Variants in ZNF385D observed in about 807,000 individuals in gnomAD.
ZNF385D encodes the protein zinc finger protein 659.
Under a neutral mutation model 35.8 loss-of-function variants are expected in ZNF385D, and 15 were observed. The ratio of observed to expected loss-of-function variants is 0.42; its 90% CI spans 0.28 to 0.64. The LOEUF is 0.64. Among genes scored for constraint, ZNF385D ranks in the 30% least tolerant of loss-of-function variants. The pLI, the probability that ZNF385D is intolerant of heterozygous loss-of-function variation, is 0.23. For synonymous variants in ZNF385D, 212 were observed against 186.8 expected (o/e 1.13, Z -1.10); for missense variants, 474 against 494.6 (o/e 0.96, Z 0.39).
At chr3:22,284,255 C>A (rs1701913600) in intron 2 of ZNF385D, among the ~76,000 whole-genome samples, 1 of 152,120 alleles carries the variant, frequency 6.6e-6, no homozygotes, top group Non-Finnish European at 1.5e-5. Context: ...GTGGCGCGAT[C>A]TTGGCTCACT....
intron 1 of ZNF385D, among the ~76,000 whole-genome samples, chr3:21,680,476 G>C (rs907724800): frequency 3.9e-5 from 6 of 152,038 alleles, no homozygotes; most frequent in Non-Finnish European, 8.8e-5. Context: ...GTAATAAAAA[G>C]ACATTGGTAG....
intron 3 of ZNF385D, among the ~76,000 whole-genome samples, chr3:21,809,037 T>C (rs1265392019): frequency 6.6e-6 from 1 of 152,100 alleles, no homozygotes; most frequent in African/African-American, 2.4e-5. Flanking sequence ...TCTTATAACA[T>C]AAAATATATG....
At chr3:21,763,591 G>A (rs1167142685) in intron 3 of ZNF385D, among the ~76,000 whole-genome samples, 2 of 152,136 alleles carry the variant, frequency 1.3e-5, no homozygotes, top group African/African-American at 4.8e-5. Flanking sequence ...AAATGTCCAG[G>A]GATGATTAAG....
intron 3 of ZNF385D, among the ~76,000 whole-genome samples, chr3:21,836,405 AC>A (rs548256980): frequency 2.0e-5 from 3 of 152,082 alleles, no homozygotes; most frequent in Non-Finnish European, 4.4e-5. Flanking sequence ...TATTCAACAA[AC>A]AAGATATGAA....
intron 3 of ZNF385D, among the ~76,000 whole-genome samples, chr3:21,972,087 A>G (rs913093308): frequency 6.6e-6 from 1 of 151,952 alleles, no homozygotes; most frequent in African/African-American, 2.4e-5. Context: ...TGAACTTGAT[A>G]TGCACTAAGA....
chr3:22,105,764 C>A (rs1019855913), intron 3 of ZNF385D, among the ~76,000 whole-genome samples: 3 of 152,246 alleles, frequency 2.0e-5, no homozygotes, highest in Middle Eastern at 6.8e-3. Context: ...GGAGGGCCAT[C>A]TGCTTTACTC....
intron 3 of ZNF385D, among the ~76,000 whole-genome samples, chr3:22,079,641 C>G (rs1700646420): frequency 1.3e-5 from 2 of 151,916 alleles, no homozygotes; most frequent in African/African-American, 4.8e-5. Flanking sequence ...AGATACTGCA[C>G]TAAAGAAGAT....
intron 3 of ZNF385D, among the ~76,000 whole-genome samples, chr3:21,550,594 C>T (rs941282945): frequency 2.6e-5 from 4 of 152,196 alleles, no homozygotes; most frequent in East Asian, 1.9e-4. Flanking sequence ...GTGATTCTCC[C>T]GCCTCAGCCT....
At chr3:21,655,221 C>T (rs1314357953) in intron 2 of ZNF385D, among the ~76,000 whole-genome samples, 2 of 152,000 alleles carry the variant, frequency 1.3e-5, no homozygotes, top group South Asian at 2.1e-4. Context: ...ACCTTCAACA[C>T]CTTTACTCAC....
chr3:21,861,222 A>G (rs1444665549), intron 3 of ZNF385D, among the ~76,000 whole-genome samples: 4 of 151,968 alleles, frequency 2.6e-5, no homozygotes, highest in African/African-American at 4.8e-5. Flanking sequence ...AACAAGTTCT[A>G]TTTTTTTCGT....
chr3:21,961,480 A>T (rs1014535444), intron 3 of ZNF385D: 6 of 152,148 alleles, frequency 3.9e-5, no homozygotes, highest in Non-Finnish European at 8.8e-5. Flanking sequence ...GTAACTATTG[A>T]ATTGTTCTAT....
intron 1 of ZNF385D, among the ~76,000 whole-genome samples, chr3:21,750,197 C>T (rs1167435101): frequency 6.6e-6 from 1 of 152,222 alleles, no homozygotes; most frequent in African/African-American, 2.4e-5. Flanking sequence ...ACTTCCAGTG[C>T]TCAACTGATA....
intron 3 of ZNF385D, chr3:21,511,897 C>T (rs1028961215): frequency 2.4e-6 from 1 of 423,268 alleles, no homozygotes; most frequent in African/African-American, 2.1e-5. Context: ...GACTGTAATC[C>T]AAGCACTTTG....
intron 3 of ZNF385D, among the ~76,000 whole-genome samples, chr3:21,825,327 ACTAT>A (rs1559662296): frequency 1.3e-5 from 2 of 152,178 alleles, no homozygotes; most frequent in Non-Finnish European, 1.5e-5. Flanking sequence ...TATTACCAGA[ACTAT>A]CTGTCACTTG....
intron 4 of ZNF385D, among the ~76,000 whole-genome samples, chr3:21,487,393 C>A (rs924877921): frequency 6.6e-6 from 1 of 151,924 alleles, no homozygotes; most frequent in Non-Finnish European, 1.5e-5. Context: ...TAGAGGGGCT[C>A]AAACATGTAG....
chr3:22,245,478 CAAAAAA>C (rs10576851), intron 2 of ZNF385D, among the ~76,000 whole-genome samples: 1 of 124,370 alleles, frequency 8.0e-6, no homozygotes, highest in Non-Finnish European at 1.8e-5. Context: ...CAGGATAAGC[CAAAAAA>C]AAAAAAAAAA....
intron 3 of ZNF385D, among the ~76,000 whole-genome samples, chr3:22,079,269 G>A (rs1172239838): frequency 9.3e-6 from 1 of 107,474 alleles, no homozygotes; most frequent in Non-Finnish European, 2.0e-5. Flanking sequence ...CAAACAAATT[G>A]ATCAAATGAT....
chr3:22,270,837 T>C lies in ZNF385D; in HGVS notation c.106+101613A>G, dbSNP rs142361624. On this transcript the variant is annotated intron_variant, in intron 2 of 5. Transcript: ENST00000494108. ...ATTGAACTTACTTATGTAATTTTCC[T>C]CTGTTTTCTTTCTCTAATCTGAAAT... is the stretch of plus-strand genomic sequence containing the variant. 2.8e-4 allele frequency among the ~76,000 whole-genome samples: 42 copies of C among 152,092 alleles called. 1 individual carries two copies. Among genetic ancestry groups the C allele is most frequent in the South Asian group, 2.3e-3 (11 of 4,820 alleles).
intron 2 of ZNF385D, among the ~76,000 whole-genome samples, chr3:22,315,500 G>A (rs1000653649): frequency 6.6e-6 from 1 of 152,184 alleles, no homozygotes; most frequent in Admixed American, 6.5e-5. Context: ...AACTATTTGG[G>A]AAGAGATAAA....
Sources: gnomAD v4.1 joint callset for allele counts (sites outside exome capture counted in the v4.1 genomes callset) on GRCh38, gnomAD v4.1.1 for gene constraint, MANE v1.5 for transcripts, NCBI Gene and HGNC (gene_info 2026-07-23, HGNC 2026-07-21) for gene names.